ROBO1: variants seen among roughly 807,000 people sequenced by gnomAD.
ROBO1 encodes roundabout guidance receptor 1, also known as roundabout homolog 1.
A neutral mutation model predicts 195.9 loss-of-function variants in ROBO1; 149 were observed. The observed-to-expected ratio is 0.76, with a 90% confidence interval of 0.67 to 0.87. The LOEUF (loss-of-function observed/expected upper bound fraction) is 0.87. Ranked by LOEUF, ROBO1 falls within the 40% of genes least tolerant of loss-of-function variation. ROBO1 has a pLI of 0.00. For missense variants in ROBO1, 1,933 were observed against 2,068.3 expected, an observed-to-expected ratio of 0.93 and a Z score of 1.27; for synonymous variants, 816 against 733.2, an observed-to-expected ratio of 1.11 and a Z score of -1.82.
intron 1 of ROBO1, among the ~76,000 whole-genome samples, chr3:79,656,512 T>G (rs2106790491): frequency 6.6e-6 from 1 of 152,200 alleles, no homozygotes; most frequent in Admixed American, 6.6e-5. Flanking sequence ...TTTTATTTAT[T>G]TTTGTCTATC....
chr3:78,756,647 G>GTGTGTGCA (rs1183009247), intron 4 of ROBO1, among the ~76,000 whole-genome samples: 1 of 152,130 alleles, frequency 6.6e-6, no homozygotes, highest in African/African-American at 2.4e-5. Flanking sequence ...TTGTGTGTGC[G>GTGTGTGCA]TGTGTGCATG....
At chr3:79,488,470 A>C (rs942815599) in intron 2 of ROBO1, among the ~76,000 whole-genome samples, 1 of 152,162 alleles carries the variant, frequency 6.6e-6, no homozygotes, top group African/African-American at 2.4e-5. Flanking sequence ...GACATCAAGA[A>C]TAAGTCTTCT....
chr3:79,424,179 C>T (rs1575807331), intron 2 of ROBO1, among the ~76,000 whole-genome samples: 2 of 152,180 alleles, frequency 1.3e-5, no homozygotes, highest in South Asian at 4.1e-4. Context: ...GTTAAATCTA[C>T]ATTTTTAATT....
At chr3:79,700,323 G>T (rs1341120385) in intron 1 of ROBO1, among the ~76,000 whole-genome samples, 2 of 147,746 alleles carry the variant, frequency 1.4e-5, no homozygotes, top group South Asian at 2.1e-4. Context: ...GTGTTTGTGT[G>T]TGTGTGTGTG....
intron 2 of ROBO1, among the ~76,000 whole-genome samples, chr3:79,299,530 T>C (rs903900293): frequency 6.6e-6 from 1 of 151,838 alleles, no homozygotes; most frequent in South Asian, 2.1e-4. Context: ...CTAATAAATG[T>C]TAACAATTAA....
intron 28 of ROBO1, among the ~76,000 whole-genome samples, chr3:78,607,657 C>T (rs2107298974): frequency 6.6e-6 from 1 of 152,288 alleles, no homozygotes; most frequent in Non-Finnish European, 1.5e-5. Flanking sequence ...GGTAGAGCTT[C>T]CTAATTGATT....
intron 4 of ROBO1, among the ~76,000 whole-genome samples, chr3:78,820,270 T>C (rs1428632040): frequency 1.3e-5 from 2 of 152,244 alleles, no homozygotes; most frequent in African/African-American, 4.8e-5. Context: ...TATGTATCTA[T>C]GTAGGACATG....
At chr3:79,639,108 A>G (rs926686520) in intron 1 of ROBO1, among the ~76,000 whole-genome samples, 2 of 152,164 alleles carry the variant, frequency 1.3e-5, no homozygotes, top group East Asian at 3.9e-4. Context: ...ATTTCATTTG[A>G]AACGATAACC....
intron 4 of ROBO1, among the ~76,000 whole-genome samples, chr3:78,930,999 C>T (rs1353296733): frequency 6.6e-6 from 1 of 152,090 alleles, no homozygotes; most frequent in Non-Finnish European, 1.5e-5. Context: ...ATTTATTTGG[C>T]TAGTTGCTTA....
At chr3:79,606,250 G>GAGGACTATAACTACAGTCTTTTCTA (rs1438014956) in intron 1 of ROBO1, among the ~76,000 whole-genome samples, 1 of 151,774 alleles carries the variant, frequency 6.6e-6, no homozygotes, top group Non-Finnish European at 1.5e-5. Flanking sequence ...TGTACAACAC[G>GAGGACTATAACTACAGTCTTTTCTA]AGGACTATAA....
At chr3:79,052,462 G>C (rs1559622953) in intron 3 of ROBO1, among the ~76,000 whole-genome samples, 1 of 152,000 alleles carries the variant, frequency 6.6e-6, no homozygotes, top group Non-Finnish European at 1.5e-5. Context: ...ATCTCACTCT[G>C]CCTCTCTGCC....
rs576286788 is a variant in ROBO1, at chr3:79,728,677, G to A, written c.-51+39075C>T. ...TACACAAAATTTCCATGTATTTGAT[G>A]TAATCATTTCTCTGGTTAATTTTCA... On this transcript the variant is annotated intron_variant, in intron 1 of 30. Transcript: ENST00000464233. Among the ~76,000 whole-genome samples the A allele has an allele frequency of 2.0e-5, 3 of 152,100 alleles. No individual in the cohort carries two copies. The South Asian group carries it at 6.2e-4, about 32-fold the overall frequency.
intron 2 of ROBO1, among the ~76,000 whole-genome samples, chr3:79,533,854 G>C (rs529519139): frequency 1.3e-5 from 2 of 152,078 alleles, no homozygotes; most frequent in African/African-American, 2.4e-5. Flanking sequence ...GTGGTAAGCA[G>C]AAAGATGTCC....
At chr3:79,600,423 G>A (rs1442648113) in intron 1 of ROBO1, among the ~76,000 whole-genome samples, 2 of 151,920 alleles carry the variant, frequency 1.3e-5, no homozygotes, top group Non-Finnish European at 2.9e-5. Flanking sequence ...TAGAGTGGTA[G>A]GGAGAAAAGA....
chr3:79,538,886 GC>G (rs1253891964), intron 2 of ROBO1, among the ~76,000 whole-genome samples: 1 of 152,080 alleles, frequency 6.6e-6, no homozygotes, highest in East Asian at 1.9e-4. Flanking sequence ...AAGGGAATTA[GC>G]CAGCTGTTTG....
At chr3:79,703,292 CATTTT>C (rs1947671960) in intron 1 of ROBO1, among the ~76,000 whole-genome samples, 1 of 151,796 alleles carries the variant, frequency 6.6e-6, no homozygotes, top group African/African-American at 2.4e-5. Flanking sequence ...TCCTTCTTTT[CATTTT>C]AATTATAATT....
intron 4 of ROBO1, among the ~76,000 whole-genome samples, chr3:78,826,741 C>A (rs570736868): frequency 1.3e-5 from 2 of 152,266 alleles, no homozygotes; most frequent in Non-Finnish European, 2.9e-5. Context: ...TCAACCACAG[C>A]AGTTTATTAT....
intron 26 of ROBO1, among the ~76,000 whole-genome samples, chr3:78,623,740 C>A (rs958201041): frequency 2.6e-5 from 4 of 152,112 alleles, no homozygotes; most frequent in African/African-American, 9.7e-5. Flanking sequence ...TAGGAAAGTG[C>A]ATTTATGGCT....
intron 2 of ROBO1, among the ~76,000 whole-genome samples, chr3:79,340,642 AC>A (rs1327221650): frequency 6.6e-6 from 1 of 152,318 alleles, no homozygotes; most frequent in Non-Finnish European, 1.5e-5. Flanking sequence ...TAGGGAATGT[AC>A]CTTGGTACCA....
Sources: allele counts gnomAD v4.1 joint callset (sites outside exome capture counted in the v4.1 genomes callset), GRCh38; gene constraint gnomAD v4.1.1; transcripts MANE v1.5; gene names NCBI Gene and HGNC (gene_info 2026-07-23, HGNC 2026-07-21).